SLC35F4: variants seen among roughly 807,000 people sequenced by gnomAD.
SLC35F4 encodes the protein solute carrier family 35 member F4.
Under a neutral mutation model 44.2 loss-of-function variants are expected in SLC35F4, and 24 were observed. That is an observed-to-expected ratio of 0.54 (90% CI 0.39 to 0.76). SLC35F4 has a LOEUF of 0.76. Ranked by LOEUF, SLC35F4 falls within the 30% of genes least tolerant of loss-of-function variation. The probability of loss-of-function intolerance (pLI) is 0.00; values close to 1 mark genes in which losing one functional copy is unlikely to be tolerated. For synonymous variants in SLC35F4, 238 were observed against 223.6 expected, an observed-to-expected ratio of 1.06 and a Z score of -0.57; for missense variants, 562 against 586.1, an observed-to-expected ratio of 0.96 and a Z score of 0.42.
intron 1 of SLC35F4, among the ~76,000 whole-genome samples, chr14:57,786,420 A>G (rs748185305): frequency 6.6e-6 from 1 of 152,106 alleles, no homozygotes; most frequent in African/African-American, 2.4e-5. Flanking sequence ...ACTACAGCTG[A>G]TGCTCTCTGG....
At chr14:57,786,113 G>A (rs376928576) in intron 1 of SLC35F4, among the ~76,000 whole-genome samples, 12 of 152,070 alleles carry the variant, frequency 7.9e-5, no homozygotes, top group South Asian at 2.1e-4. Context: ...TTCAGTTTGC[G>A]TGGGAGCTGG....
At chr14:57,666,976 G>A (rs1385871687) in intron 1 of SLC35F4, among the ~76,000 whole-genome samples, 3 of 151,310 alleles carry the variant, frequency 2.0e-5, no homozygotes, top group Admixed American at 2.0e-4. Context: ...GTTCTCTGGG[G>A]CTACAATTTG....
At chr14:57,902,526 G>C (rs1317456376) in intron 1 of SLC35F4, among the ~76,000 whole-genome samples, 2 of 149,042 alleles carry the variant, frequency 1.3e-5, no homozygotes, top group Non-Finnish European at 3.0e-5. Flanking sequence ...TCACGCCATT[G>C]CACTCCAGCC....
rs1035721750 is a variant in SLC35F4, at chr14:57,711,043, T to A, written c.104-116919A>T. Among the ~76,000 whole-genome samples, 3 of 152,122 alleles carry A rather than the reference T, an allele frequency of 2.0e-5. No individual in the cohort carries two copies. In the South Asian group the frequency reaches 6.2e-4, roughly 32 times the overall value. Reference sequence around the variant, plus strand: ...AGAGTGGAATTATATGGTTTGGCTGTGTCCCCACCCAAATCTCATCTTGAA... The same window carrying A: ...AGAGTGGAATTATATGGTTTGGCTGAGTCCCCACCCAAATCTCATCTTGAA... On this transcript the variant is annotated intron_variant, in intron 1 of 7. Coordinates refer to ENST00000556826, the MANE Select transcript of SLC35F4 (RefSeq NM_001306087.2).
intron 1 of SLC35F4, among the ~76,000 whole-genome samples, chr14:57,912,230 T>C (rs1326907570): frequency 6.6e-6 from 1 of 152,004 alleles, no homozygotes; most frequent in East Asian, 1.9e-4. Context: ...TTTTCTCTAT[T>C]GATTTCCTAT....
intron 1 of SLC35F4, among the ~76,000 whole-genome samples, chr14:57,917,818 CA>C (rs1938914051): frequency 6.6e-6 from 1 of 152,168 alleles, no homozygotes; most frequent in Non-Finnish European, 1.5e-5. Context: ...GATAGTTTTT[CA>C]ATCCATTTCC....
chr14:57,979,228 C>T (rs1200497080), intron 1 of SLC35F4, among the ~76,000 whole-genome samples: 2 of 152,098 alleles, frequency 1.3e-5, no homozygotes, highest in African/African-American at 2.4e-5. Context: ...TGAAAACAAC[C>T]GCAGCAGCAG....
chr14:57,677,606 GATGAAC>G (rs1329184377), intron 1 of SLC35F4, among the ~76,000 whole-genome samples: 2 of 151,968 alleles, frequency 1.3e-5, no homozygotes, highest in Admixed American at 6.6e-5. Flanking sequence ...CAAAGACATA[GATGAAC>G]ATGAAAAGGC....
intron 1 of SLC35F4, among the ~76,000 whole-genome samples, chr14:57,691,999 T>C (rs1022608958): frequency 5.3e-5 from 8 of 152,134 alleles, no homozygotes; most frequent in Non-Finnish European, 7.4e-5. Context: ...TATAGTCTGA[T>C]AGAAAACTGT....
At chr14:57,919,390 A>G (rs1237445992) in intron 1 of SLC35F4, among the ~76,000 whole-genome samples, 1 of 152,234 alleles carries the variant, frequency 6.6e-6, no homozygotes, top group Non-Finnish European at 1.5e-5. Flanking sequence ...ACTTCAAAGG[A>G]AAAAGCAGTT....
chr14:57,565,100 T>C (rs2068139446), intron 7 of SLC35F4, among the ~76,000 whole-genome samples: 2 of 152,244 alleles, frequency 1.3e-5, no homozygotes, highest in Admixed American at 1.3e-4. Context: ...GAATAATATT[T>C]CACTGCATCA....
chr14:57,595,521 G>A (rs961799304), intron 1 of SLC35F4, among the ~76,000 whole-genome samples: 6 of 152,128 alleles, frequency 3.9e-5, no homozygotes, highest in East Asian at 3.9e-4. Flanking sequence ...CTCACTTTCT[G>A]GAGTCGGGGA....
rs544963938 is a variant in SLC35F4, at chr14:57,860,413, G to A, written c.103+5310C>T. Among the ~76,000 whole-genome samples, 18 of 152,280 alleles carry A rather than the reference G, an allele frequency of 1.2e-4. No individual in the cohort carries two copies. In the East Asian group the frequency reaches 3.3e-3, roughly 28 times the overall value. On this transcript the variant is annotated intron_variant, in intron 1 of 7. Coordinates refer to ENST00000556826, the MANE Select transcript of SLC35F4 (RefSeq NM_001306087.2). ...GCACTCCTTTACTGATACCTTTCCA[G>A]GGAAGGTGGGACTGTTTGGAAAGCT...
chr14:57,590,226 C>CAAAAAAAAAAAAAAAAAAAAAAAAA (rs55850524), intron 2 of SLC35F4, among the ~76,000 whole-genome samples: 2 of 119,176 alleles, frequency 1.7e-5, no homozygotes, highest in Non-Finnish European at 3.4e-5. Flanking sequence ...CTTGTCTATG[C>CAAAAAAAAAAAAAAAAAAAAAAAAA]AAAAAAAAAA....
rs1207621955 is a variant in SLC35F4 at position 57,679,322 on chromosome 14, C to T, written c.104-85198G>A. On this transcript the variant is annotated intron_variant, in intron 1 of 7. Transcript: ENST00000556826. ...GCAGAAATAAATAAGTTCTTTGAAA[C>T]CAATGAGAACAAAGACACAGTGTAC... is the stretch of plus-strand genomic sequence containing the variant. 3.3e-5 allele frequency among the ~76,000 whole-genome samples: 5 copies of T among 152,092 alleles called. No individual in the cohort carries two copies. The East Asian group carries it at 9.6e-4, about 29-fold the overall frequency.
At chr14:57,671,040 G>GA (rs1236312047) in intron 1 of SLC35F4, among the ~76,000 whole-genome samples, 6 of 151,576 alleles carry the variant, frequency 4.0e-5, no homozygotes, top group Non-Finnish European at 5.9e-5. Flanking sequence ...GAGTAGCTGG[G>GA]ACTATAGACA....
chr14:57,830,997 C>T (rs1476002775), intron 1 of SLC35F4, among the ~76,000 whole-genome samples: 2 of 152,152 alleles, frequency 1.3e-5, no homozygotes, highest in Admixed American at 6.5e-5. Flanking sequence ...GAATGCATCC[C>T]TGCTCTTGAA....
intron 1 of SLC35F4, among the ~76,000 whole-genome samples, chr14:57,679,534 C>A (rs990493562): frequency 1.3e-5 from 2 of 151,952 alleles, no homozygotes; most frequent in Non-Finnish European, 2.9e-5. Context: ...TAGAGCAGAA[C>A]TGAAGGAGAG....
chr14:57,893,570 A>C (rs144460632), intron 1 of SLC35F4, among the ~76,000 whole-genome samples: 111 of 152,218 alleles, frequency 7.3e-4, no homozygotes, highest in African/African-American at 2.6e-3. Flanking sequence ...TCAGAAGCTT[A>C]ATCTGCTCTG....
Sources: allele counts gnomAD v4.1 joint callset (sites outside exome capture counted in the v4.1 genomes callset), GRCh38; gene constraint gnomAD v4.1.1; transcripts MANE v1.5; gene names NCBI Gene and HGNC (gene_info 2026-07-23, HGNC 2026-07-21).